Variants in NACA observed in about 807,000 individuals in gnomAD.
NACA encodes nascent polypeptide associated complex subunit alpha, also known as nascent polypeptide-associated complex subunit alpha.
NACA carries 42 observed loss-of-function variants against 86.4 expected under a neutral mutation model. That is an observed-to-expected ratio of 0.49 (90% CI 0.38 to 0.63). The LOEUF (loss-of-function observed/expected upper bound fraction) is 0.63, where lower values mean the gene tolerates loss of function less well. Ranked by LOEUF, NACA falls within the 20% of genes least tolerant of loss-of-function variation. NACA has a pLI of 0.00. For missense variants in NACA, 2,157 were observed against 2,483.6 expected, an observed-to-expected ratio of 0.87 and a Z score of 2.80; for synonymous variants, 898 against 973.7, an observed-to-expected ratio of 0.92 and a Z score of 1.45.
At chr12:56,714,722 A>G (rs1953306124) in intron 3 of NACA, 35 bp from the exon 4 acceptor site, 2 of 1,585,732 alleles carry the variant, frequency 1.3e-6, no homozygotes, top group Non-Finnish European at 1.7e-6. Flanking sequence ...GCTTTATAGT[A>G]GAAATTATAA....
intron 7 of NACA, 60 bp downstream of exon 7, chr12:56,713,002 A>G: frequency 6.2e-7 from 1 of 1,611,208 alleles, no homozygotes; most frequent in Non-Finnish European, 8.5e-7. Context: ...AATATAGCTC[A>G]CCAACACGAA....
At chr12:56,713,349 A>G (rs1953267055) in intron 6 of NACA, 159 bp from the exon 7 acceptor site, 2 of 1,226,494 alleles carry the variant, frequency 1.6e-6, no homozygotes, top group East Asian at 2.5e-5. Flanking sequence ...TTAGGTTTAG[A>G]GCAGTGGTTC....
In NACA at chr12:56,720,722, C is replaced by T. The variant is rs748250696; in HGVS notation, c.808G>A (p.Val270Ile). The change falls in exon 3 of 9, where the codon GTT (valine) becomes ATT (isoleucine). Residue 270 changes from valine to isoleucine, a missense_variant. By Grantham distance (29) the Val-to-Ile change is conservative. Coordinates refer to ENST00000454682, the MANE Select transcript of NACA (RefSeq NM_001365896.1). ...NPGSLSLKGP[V>I]SPPAALSLST... ...AGAGATAAGGCAGCAGGTGGACTAA[C>T]AGGCCCCTTCAGGCTGAGGCTTCCT... 7 of 1,613,932 alleles carry T rather than the reference C, an allele frequency of 4.3e-6. No individual in the cohort carries two copies. The highest frequency in any genetic ancestry group is 3.3e-5 in the South Asian group (3 of 91,080).
rs1326827234 is a variant in NACA at position 56,719,293 on chromosome 12, G to A, written c.2237C>T (p.Pro746Leu). 5.6e-6 allele frequency: 9 copies of A among 1,594,764 alleles called. No homozygotes were observed. The highest frequency in any genetic ancestry group is 1.3e-5 in the African/African-American group (1 of 74,566). Residue 746 changes from proline (P) to leucine (L), a missense_variant, in exon 3 of 9, where the codon CCA becomes CTA. Coordinates refer to ENST00000454682, the MANE Select transcript of NACA (RefSeq NM_001365896.1). ...SPSLPPAGTPPGTKKVDGISH... is the reference protein window; with the variant it reads ...SPSLPPAGTPLGTKKVDGISH... ...AATACCATCAACCTTTTTTGTACCT[G>A]GAGGAGTCCCAGCTGGGGGAAGAGA...
At chr12:56,722,483 T>C (rs1384468467) in intron 2 of NACA, among the ~76,000 whole-genome samples, 24 of 151,858 alleles carry the variant, frequency 1.6e-4, no homozygotes. Flanking sequence ...AGGTCAGGAG[T>C]TCCAGACCGA....
At position 56,713,632 on chromosome 12, in the gene NACA, T is replaced by C. The variant is rs1224854276; in HGVS notation, c.5875A>G (p.Ile1959Val). 8.1e-6 allele frequency: 13 copies of C among 1,614,050 alleles called. No homozygotes were observed. Among genetic ancestry groups the C allele is most frequent in the Non-Finnish European group, 1.0e-5 (12 of 1,179,900 alleles). ...AAGAGGATATTCTTAGATTTCCGGATAGTGACTCTAGTAACTCCTGTAACC... is the reference window on the plus strand; with the variant it reads ...AAGAGGATATTCTTAGATTTCCGGACAGTGACTCTAGTAACTCCTGTAACC... ...RQVTGVTRVT[I>V]RKSKNILFVI... Residue 1959 changes from isoleucine (I) to valine (V), a missense_variant, in exon 6 of 9, where the codon ATC (isoleucine) becomes GTC (valine). This residue lies in a region of NACA where 81 missense variants were observed against 200.6 expected (regional missense o/e 0.40). Transcript: ENST00000454682.
chr12:56,719,675 A>G lies in NACA; in HGVS notation c.1855T>C (p.Ser619Pro). The G allele has an allele frequency of 6.2e-7, 1 of 1,613,806 alleles. No individual in the cohort carries two copies. Among genetic ancestry groups the G allele is most frequent in the Non-Finnish European group, 8.5e-7 (1 of 1,179,752 alleles). The change falls in exon 3 of 9, where the codon TCT (serine) becomes CCT (proline). Residue 619 changes from serine to proline, a missense_variant. Transcript: ENST00000454682. ...GCATAAGAATCTGTCTTGATTACAG[A>G]GGCCGAGGAGTTAACACCCAGAGGG... ...TSPLGVNSSA[S>P]VIKTDSYAGP... is the part of the protein sequence containing the mutation.
chr12:56,714,590 G>C lies in NACA; in HGVS notation c.5745+12C>G, dbSNP rs1204757459. 11 of 1,613,784 alleles carry C rather than the reference G, an allele frequency of 6.8e-6. No homozygotes were observed. The highest frequency in any genetic ancestry group is 9.3e-6 in the Non-Finnish European group (11 of 1,179,820). ...TCTTTGACCCAATACCAGTTAGTAA[G>C]AGAATACCCACCTGGGCTTGTTGTG... On this transcript the variant is annotated intron_variant, in intron 4 of 8. Transcript: ENST00000454682.
chr12:56,720,552 T>C lies in NACA; in HGVS notation c.978A>G (p.Thr326=), dbSNP rs775555316. The change falls in exon 3 of 9, where the codon ACA becomes ACG. Residue 326 remains threonine, a synonymous_variant. Transcript: ENST00000454682. ...SFGSVQLLGQ[T]GPSALSDPTV... is the part of the protein sequence containing the mutation. ...TAGGGTCTGACAAAGCACTAGGACC[T>C]GTTTGACCTAAAAGTTGGACAGAAC... is the stretch of plus-strand genomic sequence containing the variant. 1.2e-6 allele frequency: 2 copies of C among 1,613,862 alleles called. No homozygotes were observed. Among genetic ancestry groups the C allele is most frequent in the Admixed American group, 1.7e-5 (1 of 59,996 alleles).
At position 56,721,453 on chromosome 12, in the gene NACA, A is replaced by G; in HGVS notation, c.77T>C (p.Leu26Pro). The change falls in exon 3 of 9, where the codon CTA becomes CCA. Residue 26 changes from leucine to proline, a missense_variant. By Grantham distance (98) the Leu-to-Pro change is moderately conservative (BLOSUM62 -3). Around this residue, in one of 8 missense-constraint regions of NACA, gnomAD observed 947 missense variants for 917.9 expected, o/e 1.03. Coordinates refer to ENST00000454682, the MANE Select transcript of NACA (RefSeq NM_001365896.1). ...LPQPQAETAV[L>P]PMSSALSVTA... ...GACACTCAAGGCTGAAGACATAGGT[A>G]GCACAGCTGGAGAAAGGCAAAAGGA... 1 of 1,498,400 alleles carries G rather than the reference A, an allele frequency of 6.7e-7. No homozygotes were observed. Among genetic ancestry groups the G allele is most frequent in the Non-Finnish European group, 8.8e-7 (1 of 1,130,116 alleles). 92.8% of individuals were successfully genotyped at this position (1,498,400 alleles called of 1,614,324 possible). A position where few individuals can be genotyped will look rare whatever the true frequency, so the allele number is the denominator to read the frequency against.
chr12:56,714,129 G>C (rs1184453526), intron 5 of NACA: 3 of 520,630 alleles, frequency 5.8e-6, no homozygotes, highest in African/African-American at 5.7e-5. Context: ...TAACAGGTGT[G>C]AGCCACCAAC....
rs753755727 is a variant in NACA at position 56,716,477 on chromosome 12, G to T, written c.5053C>A (p.Leu1685Ile). ...GTGCTTTCTGGAGCTGGGGCAACAA[G>T]TACTTCTTTCAGAGCTGTGGGGCCT... ...KKGPTALKEV[L>I]VAPAPESTPI... Residue 1685 changes from leucine (L) to isoleucine (I), a missense_variant, in exon 3 of 9, where the codon CTT becomes ATT. By Grantham distance (5) the Leu-to-Ile change is conservative (BLOSUM62 2). Around this residue, in one of 8 missense-constraint regions of NACA, gnomAD observed 797 missense variants for 777.6 expected, o/e 1.02. Transcript: ENST00000454682. 2 of 1,545,484 alleles carry T rather than the reference G, an allele frequency of 1.3e-6. No homozygotes were observed. Among genetic ancestry groups the T allele is most frequent in the African/African-American group, 2.7e-5 (2 of 73,844 alleles).
rs768669414 is a variant in NACA, at chr12:56,716,934, A to T, written c.4596T>A (p.Thr1532=). 7.7e-7 allele frequency: 1 copy of T among 1,302,386 alleles called. No homozygotes were observed. Among genetic ancestry groups the T allele is most frequent in the Admixed American group, 3.0e-5 (1 of 33,250 alleles). The allele number at this position is 1,302,386 out of a possible 1,614,324, so 80.7% of individuals were successfully genotyped here. A position where few individuals can be genotyped will look rare whatever the true frequency, so the allele number is the denominator to read the frequency against. ...TTGCTGGGGTCTTTTTAGAGAGAAG[A>T]GTCGCTGTTGGGGCAATGGGGTCCC... ...SRRDPIAPTA[T]LLSKKTPATL... Residue 1532 remains threonine, a synonymous_variant, in exon 3 of 9, where the codon ACT becomes ACA. Transcript: ENST00000454682.
intron 2 of NACA, among the ~76,000 whole-genome samples, chr12:56,722,448 G>A (rs1441849796): frequency 1.3e-5 from 2 of 152,298 alleles, no homozygotes; most frequent in East Asian, 1.9e-4. Context: ...CCAGCACTTC[G>A]GGATGCCTGG....
In NACA at chr12:56,717,649, G is replaced by A. The variant is rs772369731; in HGVS notation, c.3881C>T (p.Pro1294Leu). The A allele has an allele frequency of 2.0e-5, 24 of 1,228,122 alleles. No homozygotes were observed. The highest frequency in any genetic ancestry group is 8.1e-5 in the East Asian group (2 of 24,824). The allele number at this position is 1,228,122 out of a possible 1,614,324, so 76.1% of individuals were successfully genotyped here. ...AGCTGGGCCTCCTTTTGGAGAGGGAGGAGTTACAACTGCGGGATTGGGGGC... is the reference window on the plus strand; with the variant it reads ...AGCTGGGCCTCCTTTTGGAGAGGGAAGAGTTACAACTGCGGGATTGGGGGC... Reference protein sequence around the residue: ...KGAPNPAVVTPPSPKGGPATS... With the variant: ...KGAPNPAVVTLPSPKGGPATS... Residue 1294 changes from proline (P) to leucine (L), a missense_variant, in exon 3 of 9, where the codon CCT (proline) becomes CTT (leucine). Transcript: ENST00000454682.
In NACA at chr12:56,719,056, G is replaced by A. The variant is rs1291524016; in HGVS notation, c.2474C>T (p.Ser825Leu). Residue 825 changes from serine (S) to leucine (L), a missense_variant, in exon 3 of 9, where the codon TCA becomes TTA. Ser to Leu is a moderately radical substitution (Grantham distance 145). Coordinates refer to ENST00000454682, the MANE Select transcript of NACA (RefSeq NM_001365896.1). The stretch of plus-strand genomic sequence containing the variant: ...AGCTTCAACTGGAGAAACAGGGGAT[G>A]AGAGATTTCCAATAGGAGTATCAGG... ...AGPDTPIGNL[S>L]SPVSPVEASF... 1 of 1,449,092 alleles carries A rather than the reference G, an allele frequency of 6.9e-7. No homozygotes were observed. The highest frequency in any genetic ancestry group is 1.1e-5 in the South Asian group (1 of 88,716). The allele number at this position is 1,449,092 out of a possible 1,614,324, so 89.8% of individuals were successfully genotyped here.
intron 2 of NACA, among the ~76,000 whole-genome samples, chr12:56,723,779 C>T (rs1953637105): frequency 6.6e-6 from 1 of 152,172 alleles, no homozygotes; most frequent in African/African-American, 2.4e-5. Flanking sequence ...TTCATTACCT[C>T]CTCCTAAGTT....
chr12:56,714,154 TA>T, intron 5 of NACA: 1 of 559,634 alleles, frequency 1.8e-6, no homozygotes, highest in Non-Finnish European at 3.2e-6. Flanking sequence ...CTACTTCTGT[TA>T]CTTTCAACGG....
intron 5 of NACA, 52 bp downstream of exon 5, chr12:56,714,310 C>T: frequency 5.7e-6 from 9 of 1,566,890 alleles, no homozygotes; most frequent in Non-Finnish European, 7.9e-6. Flanking sequence ...TAAACAGTTC[C>T]ACTCTGTATA....
Sources: allele counts gnomAD v4.1 joint callset (sites outside exome capture counted in the v4.1 genomes callset), GRCh38; gene constraint gnomAD v4.1.1; regional missense constraint gnomAD v4.1.1; transcripts MANE v1.5; gene names NCBI Gene and HGNC (gene_info 2026-07-23, HGNC 2026-07-21).